Variants in B3GNT8 observed in about 807,000 individuals in gnomAD.
B3GNT8 encodes UDP-GlcNAc:betaGal beta-1,3-N-acetylglucosaminyltransferase 8.
For synonymous variants in B3GNT8, 258 were observed against 238.3 expected (o/e 1.08, Z -0.76); for missense variants, 502 against 530.5 (o/e 0.95, Z 0.53).
upstream of B3GNT8, chr19:41,428,611 G>A: frequency 6.5e-6 from 1 of 152,726 alleles, no homozygotes; most frequent in Non-Finnish European, 1.5e-5. The surrounding 1 kb of genome is among the most constrained non-coding windows in gnomAD (Gnocchi z 6.1). Flanking sequence ...TTTGGGGCAG[G>A]CCTGTCCCCA....
rs764066423 is a variant in B3GNT8 at position 41,426,243 on chromosome 19, C to T, written c.536G>A (p.Arg179Gln). 1.5e-5 allele frequency: 24 copies of T among 1,613,408 alleles called. No homozygotes were observed. Among genetic ancestry groups the T allele is most frequent in the South Asian group, 3.3e-5 (3 of 91,084 alleles). ...ETWGSPAPGI[R>Q]LLFLLGSPVG... ...CGGAGACCCTAGCAGGAAGAGCAGCCGGATCCCTGGAGCTGGACTGCCCCA... is the reference window on the plus strand; with the variant it reads ...CGGAGACCCTAGCAGGAAGAGCAGCTGGATCCCTGGAGCTGGACTGCCCCA... Residue 179 changes from arginine (R) to glutamine (Q), a missense_variant, in exon 2 of 2, where the codon CGG becomes CAG. Physicochemically the swap from Arg to Gln is conservative, Grantham distance 43. Coordinates refer to ENST00000691102, the MANE Select transcript of B3GNT8 (RefSeq NM_001385648.2). This position sits in a 1 kb window ranked among gnomAD's most constrained non-coding sequence, Gnocchi z 4.9.
upstream of B3GNT8, among the ~76,000 whole-genome samples, chr19:41,427,866 G>T (rs1250703019): frequency 2.3e-5 from 3 of 128,228 alleles, no homozygotes; most frequent in Non-Finnish European, 5.2e-5. This position sits in a 1 kb window ranked among gnomAD's most constrained non-coding sequence, Gnocchi z 5.6. Context: ...TCAGGGTGAG[G>T]TGGGGGGAAC....
Position 41,426,209 on chromosome 19 carries a change from C to T in B3GNT8, c.570G>A (p.Glu190=), listed in dbSNP as rs769158150. The T allele has an allele frequency of 1.9e-6, 3 of 1,613,626 alleles. No homozygotes were observed. In the South Asian group the frequency reaches 3.3e-5, roughly 18 times the overall value. ...LLFLLGSPVG[E]AGPDLDSLVA... ...CTAGTGAGTCTAGGTCAGGCCCCGCCTCACCCACCGGAGACCCTAGCAGGA... is the reference window on the plus strand; with the variant it reads ...CTAGTGAGTCTAGGTCAGGCCCCGCTTCACCCACCGGAGACCCTAGCAGGA... Residue 190 remains glutamate, a synonymous_variant, in exon 2 of 2, where the codon GAG becomes GAA. Coordinates refer to ENST00000691102, the MANE Select transcript of B3GNT8 (RefSeq NM_001385648.2). This position sits in a 1 kb window ranked among gnomAD's most constrained non-coding sequence, Gnocchi z 4.9.
upstream of B3GNT8, among the ~76,000 whole-genome samples, chr19:41,427,984 G>T (rs73931486): frequency 5.1e-3 from 775 of 151,816 alleles, 10 homozygotes; most frequent in African/African-American, 0.018. This position sits in a 1 kb window ranked among gnomAD's most constrained non-coding sequence, Gnocchi z 5.6. Context: ...GAGAGCTGAG[G>T]GGGAGAGAGA....
At position 41,426,661 on chromosome 19, in the gene B3GNT8, C is replaced by T. The variant is rs762599385; in HGVS notation, c.118G>A (p.Gly40Ser). ...RLSKAYPSPR[G>S]TPPSPTPANP... ...GCTGGCGTGGGGCTTGGCGGGGTGC[C>T]CCGAGGGCTGGGGTAGGCCTTGCTG... is the stretch of plus-strand genomic sequence containing the variant. Residue 40 changes from glycine to serine, a missense_variant, in exon 2 of 2, where the codon GGC becomes AGC. By Grantham distance (56) the Gly-to-Ser change is moderately conservative. Transcript: ENST00000691102. The surrounding 1 kb of genome is among the most constrained non-coding windows in gnomAD (Gnocchi z 4.9). 1 of 1,613,524 alleles carries T rather than the reference C, an allele frequency of 6.2e-7. No individual in the cohort carries two copies. The highest frequency in any genetic ancestry group is 1.1e-5 in the South Asian group (1 of 91,070).
Position 41,425,469 on chromosome 19 carries a change from G to A in B3GNT8, c.*116C>T. 1 of 841,084 alleles carries A rather than the reference G, an allele frequency of 1.2e-6. No homozygotes were observed. The highest frequency in any genetic ancestry group is 1.7e-6 in the Non-Finnish European group (1 of 596,004). The allele number at this position is 841,084 out of a possible 1,614,324, so 52.1% of individuals were successfully genotyped here. On this transcript the variant is annotated 3_prime_UTR_variant, in exon 2 of 2. Transcript: ENST00000691102. ...TGGGGGAGGCCAAGGAGTGGCTTAA[G>A]TTGTCCAGCTTCTGGGCCCTCCTCC...
rs747013773 is a variant in B3GNT8, at chr19:41,425,665, G to A, written c.1114C>T (p.Leu372=). The change falls in exon 2 of 2, where the codon CTG becomes TTG. Residue 372 remains leucine, a synonymous_variant. Transcript: ENST00000691102. The part of the protein sequence containing the change: ...RTADHCAFRN[L]LLVRPLGPQA... The stretch of plus-strand genomic sequence containing the variant: ...GGGCCCAGGGGCCGTACCAGCAGCA[G>A]GTTGCGGAAAGCACAGTGGTCCGCA... The A allele has an allele frequency of 6.5e-7, 1 of 1,527,394 alleles. No homozygotes were observed. Among genetic ancestry groups the A allele is most frequent in the East Asian group, 2.3e-5 (1 of 44,036 alleles). 94.6% of individuals were successfully genotyped at this position (1,527,394 alleles called of 1,614,324 possible). A position where few individuals can be genotyped will look rare whatever the true frequency, so the allele number is the denominator to read the frequency against.
Position 41,426,245 on chromosome 19 carries a change from G to T in B3GNT8, c.534C>A (p.Ile178=). The T allele has an allele frequency of 6.2e-7, 1 of 1,613,494 alleles. No individual in the cohort carries two copies. The highest frequency in any genetic ancestry group is 8.5e-7 in the Non-Finnish European group (1 of 1,180,024). The change falls in exon 2 of 2, where the codon ATC becomes ATA. Residue 178 remains isoleucine (I), a synonymous_variant. Coordinates refer to ENST00000691102, the MANE Select transcript of B3GNT8 (RefSeq NM_001385648.2). This position sits in a 1 kb window ranked among gnomAD's most constrained non-coding sequence, Gnocchi z 4.9. ...GAGACCCTAGCAGGAAGAGCAGCCGGATCCCTGGAGCTGGACTGCCCCACG... is the reference window on the plus strand; with the variant it reads ...GAGACCCTAGCAGGAAGAGCAGCCGTATCCCTGGAGCTGGACTGCCCCACG... The part of the protein sequence containing the change: ...RETWGSPAPG[I]RLLFLLGSPV...
rs1366783008 is a variant in B3GNT8 at position 41,426,489 on chromosome 19, CA to C, written c.289del (p.Trp97GlyfsTer71). The part of the protein sequence containing the change: ...DSTETGGCQA[W>X]GAAAATEIPD... ...GATCTCGGTGGCGGCGGCGGCCCCC[CA>C]AGCCTGGCAGCCCCCCGTTTCAGTG... On this transcript the variant is annotated frameshift_variant, in exon 2 of 2. Coordinates refer to ENST00000691102, the MANE Select transcript of B3GNT8 (RefSeq NM_001385648.2). LOFTEE classifies it low-confidence loss of function (END_TRUNC). The surrounding 1 kb of genome is among the most constrained non-coding windows in gnomAD (Gnocchi z 4.9). 1 of 1,586,764 alleles carries C rather than the reference CA, an allele frequency of 6.3e-7. No homozygotes were observed. Among genetic ancestry groups the C allele is most frequent in the Non-Finnish European group, 8.6e-7 (1 of 1,167,062 alleles).
At position 41,425,935 on chromosome 19, in the gene B3GNT8, G is replaced by T. The variant is rs753635153; in HGVS notation, c.844C>A (p.Pro282Thr). The T allele has an allele frequency of 1.2e-6, 2 of 1,613,282 alleles. No homozygotes were observed. Among genetic ancestry groups the T allele is most frequent in the South Asian group, 1.1e-5 (1 of 91,088 alleles). ...AAGGGTCCTCCTGGCTTCCGGAGAGGCATGGCCTGGGTAAAGACCTCACCC... is the reference window on the plus strand; with the variant it reads ...AAGGGTCCTCCTGGCTTCCGGAGAGTCATGGCCTGGGTAAAGACCTCACCC... The part of the protein sequence containing the change: ...YLGEVFTQAM[P>T]LRKPGGPFYV... Residue 282 changes from proline (P) to threonine (T), a missense_variant, in exon 2 of 2, where the codon CCT becomes ACT. By Grantham distance (38) the Pro-to-Thr change is conservative. Coordinates refer to ENST00000691102, the MANE Select transcript of B3GNT8 (RefSeq NM_001385648.2).
At position 41,427,185 on chromosome 19, in the gene B3GNT8, G is replaced by A. The variant is rs975970480; in HGVS notation, c.-33+99C>T. On this transcript the variant is annotated intron_variant, in intron 1 of 1. Coordinates refer to ENST00000691102, the MANE Select transcript of B3GNT8 (RefSeq NM_001385648.2). The surrounding 1 kb of genome is among the most constrained non-coding windows in gnomAD (Gnocchi z 5.6). ...TTTATTGCCCTCACCAGGAAATCAG[G>A]AGCGGGATTCCTAGCTCCCTGGGGT... The A allele has an allele frequency of 4.6e-6, 1 of 219,632 alleles. No individual in the cohort carries two copies. The allele number at this position is 219,632 out of a possible 1,614,324, so 13.6% of individuals were successfully genotyped here. A position where few individuals can be genotyped will look rare whatever the true frequency, so the allele number is the denominator to read the frequency against.
chr19:41,426,112 G>A lies in B3GNT8; in HGVS notation c.667C>T (p.Leu223Phe). 6.2e-7 allele frequency: 1 copy of A among 1,613,804 alleles called. No homozygotes were observed. ...DFLDVPFNQT[L>F]KDLLLLAWLG... is the part of the protein sequence containing the mutation. ...CAGGCCAGCAGCAGCAGGTCTTTGA[G>A]CGTCTGGTTGAATGGGACGTCGAGG... Residue 223 changes from leucine to phenylalanine, a missense_variant, in exon 2 of 2, where the codon CTC becomes TTC. Coordinates refer to ENST00000691102, the MANE Select transcript of B3GNT8 (RefSeq NM_001385648.2). This position sits in a 1 kb window ranked among gnomAD's most constrained non-coding sequence, Gnocchi z 4.9.
At chr19:41,427,493 G>C (rs1043412101), upstream of B3GNT8, 1 of 156,502 alleles carries the variant, frequency 6.4e-6, no homozygotes, top group African/African-American at 2.4e-5. This position sits in a 1 kb window ranked among gnomAD's most constrained non-coding sequence, Gnocchi z 5.6. Flanking sequence ...GAGGGAGGGA[G>C]GGAGGGAGGG....
rs373725307 is a variant in B3GNT8, at chr19:41,426,998, AT to A, written c.-32-189del. 1.1e-4 allele frequency among the ~76,000 whole-genome samples: 16 copies of A among 152,220 alleles called. No individual in the cohort carries two copies. Among genetic ancestry groups the A allele is most frequent in the Middle Eastern group, 3.4e-3 (1 of 294 alleles). ...TGACCCAGGGACCTCGTTGGTCCTT[AT>A]TCCTAGACCTAGGAGTCCCCCATTC... On this transcript the variant is annotated intron_variant, in intron 1 of 1. Coordinates refer to ENST00000691102, the MANE Select transcript of B3GNT8 (RefSeq NM_001385648.2). The surrounding 1 kb of genome is among the most constrained non-coding windows in gnomAD (Gnocchi z 4.9).
chr19:41,426,222 G>A lies in B3GNT8; in HGVS notation c.557C>T (p.Ser186Phe), dbSNP rs137913069. ...PGIRLLFLLG[S>F]PVGEAGPDLD... ...GTCAGGCCCCGCCTCACCCACCGGA[G>A]ACCCTAGCAGGAAGAGCAGCCGGAT... is the stretch of plus-strand genomic sequence containing the variant. The change falls in exon 2 of 2, where the codon TCT (serine) becomes TTT (phenylalanine). Residue 186 changes from serine (S) to phenylalanine (F), a missense_variant. By Grantham distance (155) the Ser-to-Phe change is radical. Transcript: ENST00000691102. The surrounding 1 kb of genome is among the most constrained non-coding windows in gnomAD (Gnocchi z 4.9). 3,746 of 1,613,596 alleles carry A rather than the reference G, an allele frequency of 2.3e-3. 13 individuals carry two copies. Among genetic ancestry groups the A allele is most frequent in the Middle Eastern group, 0.011 (64 of 6,062 alleles).
rs755029753 is a variant in B3GNT8, at chr19:41,426,024, T to C, written c.755A>G (p.His252Arg). Residue 252 changes from histidine (H) to arginine (R), a missense_variant, in exon 2 of 2, where the codon CAC (histidine) becomes CGC (arginine). His to Arg is a conservative substitution (Grantham distance 29). Transcript: ENST00000691102. The surrounding 1 kb of genome is among the most constrained non-coding windows in gnomAD (Gnocchi z 4.9). ...VLRAQDDAFV[H>R]TPALLAHLRA... Reference sequence around the variant, plus strand: ...CAGGTGAGCCAGCAGGGCAGGGGTGTGTACAAAGGCATCGTCCTGAGCTCG... The same window carrying C: ...CAGGTGAGCCAGCAGGGCAGGGGTGCGTACAAAGGCATCGTCCTGAGCTCG... 13 of 1,612,178 alleles carry C rather than the reference T, an allele frequency of 8.1e-6. No individual in the cohort carries two copies. Among genetic ancestry groups the C allele is most frequent in the Non-Finnish European group, 9.3e-6 (11 of 1,179,136 alleles).
upstream of B3GNT8, chr19:41,427,385 G>C (rs1388220841): frequency 6.2e-6 from 1 of 160,562 alleles, no homozygotes; most frequent in African/African-American, 2.4e-5. The surrounding 1 kb of genome is among the most constrained non-coding windows in gnomAD (Gnocchi z 5.6). Context: ...GTCGACCGGC[G>C]GGGCCCAGCC....
rs367663254 is a variant in B3GNT8, at chr19:41,426,478, C to T, written c.301G>A (p.Ala101Thr). ...GCGAAGTCAGGGATCTCGGTGGCGG[C>T]GGCGGCCCCCCAAGCCTGGCAGCCC... ...TGGCQAWGAA[A>T]ATEIPDFASY... The change falls in exon 2 of 2, where the codon GCC becomes ACC. Residue 101 changes from alanine to threonine, a missense_variant. Coordinates refer to ENST00000691102, the MANE Select transcript of B3GNT8 (RefSeq NM_001385648.2). This position sits in a 1 kb window ranked among gnomAD's most constrained non-coding sequence, Gnocchi z 4.9. The T allele has an allele frequency of 7.4e-5, 118 of 1,600,856 alleles. No homozygotes were observed. Among genetic ancestry groups the T allele is most frequent in the Non-Finnish European group, 9.4e-5 (110 of 1,173,878 alleles).
rs2039419146 is a variant in B3GNT8 at position 41,425,436 on chromosome 19, C to A, written c.*149G>T. On this transcript the variant is annotated 3_prime_UTR_variant, in exon 2 of 2. Coordinates refer to ENST00000691102, the MANE Select transcript of B3GNT8 (RefSeq NM_001385648.2). ...CACCACCCCATCTTTCCTGCCCAGG[C>A]CCCTGGCTGGGGGAGGCCAAGGAGT... 5.4e-6 allele frequency: 3 copies of A among 552,154 alleles called. No homozygotes were observed. Among genetic ancestry groups the A allele is most frequent in the Non-Finnish European group, 8.7e-6 (3 of 343,958 alleles). 34.2% of individuals were successfully genotyped at this position (552,154 alleles called of 1,614,324 possible).
Sources: allele counts gnomAD v4.1 joint callset (sites outside exome capture counted in the v4.1 genomes callset), GRCh38; gene constraint gnomAD v4.1.1; non-coding constraint Gnocchi (gnomAD v3.1); transcripts MANE v1.5; gene names NCBI Gene and HGNC (gene_info 2026-07-23, HGNC 2026-07-21).